The following ADAMTS10 variants were observed in gnomAD, a reference collection of about 807,000 sequenced individuals.
ADAMTS10 encodes A disintegrin and metalloproteinase with thrombospondin motifs 10.
Under a neutral mutation model 135.9 loss-of-function variants are expected in ADAMTS10, and 48 were observed. The ratio of observed to expected loss-of-function variants is 0.35; its 90% CI spans 0.28 to 0.45. The LOEUF is 0.45. Ranked by LOEUF, ADAMTS10 falls within the 20% of genes least tolerant of loss-of-function variation. The probability of loss-of-function intolerance (pLI) is 1.00; values close to 1 mark genes in which losing one functional copy is unlikely to be tolerated. For missense variants in ADAMTS10, 1,131 were observed against 1,565.2 expected, an observed-to-expected ratio of 0.72 and a Z score of 4.68; for synonymous variants, 621 against 647.5, an observed-to-expected ratio of 0.96 and a Z score of 0.62.
Position 8,604,788 on chromosome 19 carries a change from G to T in ADAMTS10, c.435+224C>A. ...GGCATAAGTCACCATGCCCAGCCTC[G>T]AATTTTTTGAGATTGATGTTTAGCT... is the stretch of plus-strand genomic sequence containing the variant. On this transcript the variant is annotated intron_variant, in intron 4 of 25. Coordinates refer to ENST00000597188, the MANE Select transcript of ADAMTS10 (RefSeq NM_030957.4). 6.5e-6 allele frequency: 4 copies of T among 611,482 alleles called. 1 individual carries two copies. In the South Asian group the frequency reaches 8.0e-5, roughly 12 times the overall value. 37.9% of individuals were successfully genotyped at this position (611,482 alleles called of 1,614,324 possible). A position where few individuals can be genotyped will look rare whatever the true frequency, so the allele number is the denominator to read the frequency against.
At position 8,585,937 on chromosome 19, in the gene ADAMTS10, CA is replaced by C. The variant is rs374116985; in HGVS notation, c.2660+184del. On this transcript the variant is annotated intron_variant, in intron 22 of 25. Transcript: ENST00000597188. ...TCCAGGGCCATGCAGCTTTGACCGC[CA>C]CCTTGGGGGCACTATTACCTTGGAC... is the stretch of plus-strand genomic sequence containing the variant. Among the ~76,000 whole-genome samples the C allele has an allele frequency of 8.5e-5, 13 of 152,248 alleles. No individual in the cohort carries two copies. The East Asian group carries it at 2.1e-3, about 25-fold the overall frequency.
intron 2 of ADAMTS10, among the ~76,000 whole-genome samples, chr19:8,606,198 T>C (rs1233140795): frequency 1.3e-5 from 2 of 152,172 alleles, no homozygotes; most frequent in Non-Finnish European, 2.9e-5. Flanking sequence ...GTAGCTGAGA[T>C]TGCAGGTGCA....
At chr19:8,594,845 A>G (rs1291196628) in intron 12 of ADAMTS10, among the ~76,000 whole-genome samples, 1 of 152,178 alleles carries the variant, frequency 6.6e-6, no homozygotes, top group African/African-American at 2.4e-5. Context: ...TTCTTTAGGA[A>G]TTCCTTAGAG....
intron 13 of ADAMTS10, 189 bp from the exon 14 acceptor site, chr19:8,592,292 C>A: frequency 8.4e-7 from 1 of 1,188,626 alleles, no homozygotes; most frequent in Non-Finnish European, 1.2e-6. Context: ...CAGGTACAAG[C>A]GAGAGGCGTG....
intron 12 of ADAMTS10, chr19:8,593,112 C>T: frequency 1.7e-6 from 1 of 572,468 alleles, no homozygotes; most frequent in East Asian, 2.9e-5. Flanking sequence ...CCTCTTTAGG[C>T]AGTACTACCC....
rs2042666954 is a variant in ADAMTS10, at chr19:8,601,255, GGACA to G, written c.593-114_593-111del. The G allele has an allele frequency of 3.2e-6, 4 of 1,232,554 alleles. No individual in the cohort carries two copies. Among genetic ancestry groups the G allele is most frequent in the Admixed American group, 2.0e-5 (1 of 50,768 alleles). 76.4% of individuals were successfully genotyped at this position (1,232,554 alleles called of 1,614,324 possible). A position where few individuals can be genotyped will look rare whatever the true frequency, so the allele number is the denominator to read the frequency against. ...TGGCTACCTCTCTACCCAACAGTCT[GGACA>G]GACAATTTCTGGTCATTCTGCTGCC... On this transcript the variant is annotated intron_variant, in intron 5 of 25. Transcript: ENST00000597188. This position sits in a 1 kb window ranked among gnomAD's most constrained non-coding sequence, Gnocchi z 4.6.
chr19:8,605,253 C>T lies in ADAMTS10; in HGVS notation c.194G>A (p.Arg65His), dbSNP rs1038994297. Residue 65 changes from arginine (R) to histidine (H), a missense_variant, in exon 4 of 26, where the codon CGC (arginine) becomes CAC (histidine). Arg to His is a conservative substitution (Grantham distance 29, BLOSUM62 0). Around this residue, in one of 3 missense-constraint regions of ADAMTS10, gnomAD observed 306 missense variants for 344.4 expected, o/e 0.89. Transcript: ENST00000597188. The surrounding 1 kb of genome is among the most constrained non-coding windows in gnomAD (Gnocchi z 7.7). The part of the protein sequence containing the change: ...AFSPPPPRRQ[R>H]RGTGATAESR... ...CTCGGCTGTGGCCCCCGTGCCGCGG[C>T]GCTGCCTCCGGGGAGGAGGTGGCGA... 5.6e-6 allele frequency: 9 copies of T among 1,613,016 alleles called. No individual in the cohort carries two copies. The highest frequency in any genetic ancestry group is 2.2e-5 in the East Asian group (1 of 44,840).
Position 8,592,749 on chromosome 19 carries a change from T to G in ADAMTS10, c.1587+14A>C, listed in dbSNP as rs782155127. ...GGGGGCGTGGCCCAGTTGGGGGCCC[T>G]GGCCGGCGCTCACCCCCTTGTCGAT... On this transcript the variant is annotated intron_variant, in intron 13 of 25. Transcript: ENST00000597188. 1.9e-6 allele frequency: 3 copies of G among 1,605,868 alleles called. No homozygotes were observed. Among genetic ancestry groups the G allele is most frequent in the Non-Finnish European group, 2.5e-6 (3 of 1,178,524 alleles).
At chr19:8,606,494 C>T (rs190200937) in intron 2 of ADAMTS10, among the ~76,000 whole-genome samples, 28 of 152,152 alleles carry the variant, frequency 1.8e-4, no homozygotes, top group Admixed American at 3.9e-4. Context: ...CCCCGCCTCC[C>T]GGGTTCATTT....
chr19:8,605,025 G>A lies in ADAMTS10; in HGVS notation c.422C>T (p.Thr141Ile). 1.2e-6 allele frequency: 2 copies of A among 1,606,826 alleles called. No individual in the cohort carries two copies. Among genetic ancestry groups the A allele is most frequent in the Non-Finnish European group, 1.7e-6 (2 of 1,177,348 alleles). The change falls in exon 4 of 26, where the codon ACC becomes ATC. Residue 141 changes from threonine to isoleucine, a missense_variant. By Grantham distance (89) the Thr-to-Ile change is moderately conservative (BLOSUM62 -1). Transcript: ENST00000597188. The surrounding 1 kb of genome is among the most constrained non-coding windows in gnomAD (Gnocchi z 7.7). ...TCCTCAGCTCACCAGGCCTCCACAGGTGCTGATGGCCACATGGGAGCTGCT... is the reference window on the plus strand; with the variant it reads ...TCCTCAGCTCACCAGGCCTCCACAGATGCTGATGGCCACATGGGAGCTGCT... ...QASSSHVAIS[T>I]CGGLHGLIVA...
chr19:8,591,833 A>G lies in ADAMTS10; in HGVS notation c.1764T>C (p.Gly588=). ...TGCAGGAGCGGTGCCGCCTTCTCTC[A>G]CCCAGACAGTACTTGCCCCCGATGG... is the stretch of plus-strand genomic sequence containing the variant. The part of the protein sequence containing the change: ...RPTIGGKYCL[G]ERRRHRSCNT... Residue 588 remains glycine (G), a synonymous_variant, in exon 15 of 26, where the codon GGT becomes GGC. Coordinates refer to ENST00000597188, the MANE Select transcript of ADAMTS10 (RefSeq NM_030957.4). 1 of 1,613,668 alleles carries G rather than the reference A, an allele frequency of 6.2e-7. No homozygotes were observed.
At chr19:8,583,792 G>C in intron 25 of ADAMTS10, among the ~76,000 whole-genome samples, 1 of 152,166 alleles carries the variant, frequency 6.6e-6, no homozygotes, top group Non-Finnish European at 1.5e-5. Context: ...GGGAGGTGGA[G>C]GTTGCAGTGA....
At chr19:8,589,748 TACCGTA>T in intron 16 of ADAMTS10, 135 bp downstream of exon 16, 1 of 1,393,130 alleles carries the variant, frequency 7.2e-7, no homozygotes, top group Non-Finnish European at 9.9e-7. Flanking sequence ...ACCCCCATGG[TACCGTA>T]TCCCAGGTAC....
intron 15 of ADAMTS10, among the ~76,000 whole-genome samples, chr19:8,590,366 T>C (rs1031883135): frequency 1.3e-5 from 2 of 152,178 alleles, no homozygotes; most frequent in Non-Finnish European, 2.9e-5. Flanking sequence ...CTCCATCTCC[T>C]GGGTTCAAGC....
Position 8,580,980 on chromosome 19 carries a change from G to C in ADAMTS10, c.3225C>G (p.Val1075=). ...ATTTGAGCACCAGGGGGCAGTAGGC[G>C]ACCTTGTTCACATCCTTGCACTCTG... The part of the protein sequence containing the change: ...GPEECKDVNK[V]AYCPLVLKFQ... Residue 1075 remains valine (V), a synonymous_variant, in exon 26 of 26, where the codon GTC becomes GTG. Coordinates refer to ENST00000597188, the MANE Select transcript of ADAMTS10 (RefSeq NM_030957.4). 6.2e-7 allele frequency: 1 copy of C among 1,613,554 alleles called. No individual in the cohort carries two copies.
chr19:8,609,319 C>A (rs1260774215), intron 1 of ADAMTS10, among the ~76,000 whole-genome samples: 1 of 151,130 alleles, frequency 6.6e-6, no homozygotes, highest in East Asian at 2.0e-4. Context: ...AGGTGGCCAG[C>A]GTGGGGGAGG....
Position 8,586,817 on chromosome 19 carries a change from C to G in ADAMTS10, c.2238G>C (p.Leu746Phe). 1.2e-6 allele frequency: 2 copies of G among 1,614,148 alleles called. No homozygotes were observed. Among genetic ancestry groups the G allele is most frequent in the Non-Finnish European group, 1.7e-6 (2 of 1,180,034 alleles). ...ATCCCCTCCCCACCATCTGCTCACC[C>G]AAGTGACTGAGAGAGAGGTTCAGAT... ...IQDLNLSLSH[L>F]ALKGDQESLL... Residue 746 changes from leucine (L) to phenylalanine (F), a missense_variant and splice_region_variant, in exon 19 of 26, where the codon TTG becomes TTC. By Grantham distance (22) the Leu-to-Phe change is conservative (BLOSUM62 0). This residue lies in a region of ADAMTS10 where 745 missense variants were observed against 1,056.3 expected (regional missense o/e 0.71). Coordinates refer to ENST00000597188, the MANE Select transcript of ADAMTS10 (RefSeq NM_030957.4).
chr19:8,589,777 G>C, intron 16 of ADAMTS10, 112 bp downstream of exon 16: 3 of 1,397,684 alleles, frequency 2.1e-6, no homozygotes, highest in Non-Finnish European at 3.0e-6. Flanking sequence ...TGTCTCCCCG[G>C]GTGGGGACAG....
At chr19:8,594,760 C>T (rs1424780412) in intron 12 of ADAMTS10, among the ~76,000 whole-genome samples, 2 of 152,170 alleles carry the variant, frequency 1.3e-5, no homozygotes, top group Non-Finnish European at 2.9e-5. Context: ...ATAGTGAGAG[C>T]TCAGTAAATG....
Sources: gnomAD v4.1 joint callset for allele counts (sites outside exome capture counted in the v4.1 genomes callset) on GRCh38, gnomAD v4.1.1 for gene constraint, gnomAD v4.1.1 regional missense constraint, Gnocchi (gnomAD v3.1) non-coding constraint, MANE v1.5 for transcripts, NCBI Gene and HGNC (gene_info 2026-07-23, HGNC 2026-07-21) for gene names.